The following CSMD1 variants were observed in gnomAD, a reference collection of about 807,000 sequenced individuals.
CSMD1 encodes CUB and sushi domain-containing protein 1.
Under a neutral mutation model 417.5 loss-of-function variants are expected in CSMD1, and 213 were observed. The ratio of observed to expected loss-of-function variants is 0.51; its 90% confidence interval spans 0.46 to 0.57. The LOEUF is 0.57. Ranked by LOEUF, CSMD1 falls within the 20% of genes least tolerant of loss-of-function variation. CSMD1 has a pLI of 0.00. For missense variants in CSMD1, 6,923 were observed against 4,529.7 expected (o/e 1.53, Z -15.17); for synonymous variants, 2,862 against 1,736.8 (o/e 1.65, Z -16.11).
chr8:3,881,009 A>C (rs570394277), intron 5 of CSMD1, among the ~76,000 whole-genome samples: 373 of 152,282 alleles, frequency 2.4e-3, no homozygotes, highest in African/African-American at 8.7e-3. Flanking sequence ...AAATTTTAAA[A>C]AGAAATCATT....
intron 7 of CSMD1, among the ~76,000 whole-genome samples, chr8:3,654,568 G>A (rs1057201579): frequency 6.6e-6 from 1 of 152,168 alleles, no homozygotes. Context: ...GAGTTTAGGA[G>A]AAGAAAAAAT....
intron 1 of CSMD1, among the ~76,000 whole-genome samples, chr8:4,665,695 T>A (rs1804877737): frequency 6.6e-6 from 1 of 152,218 alleles, no homozygotes; most frequent in African/African-American, 2.4e-5. Flanking sequence ...GGATCCATAA[T>A]CTATTCCTCT....
chr8:4,316,973 A>G (rs1217209172), intron 3 of CSMD1, among the ~76,000 whole-genome samples: 4 of 152,190 alleles, frequency 2.6e-5, no homozygotes, highest in African/African-American at 9.7e-5. Flanking sequence ...ACTCAAGAGT[A>G]AATACAATCG....
chr8:4,251,324 A>T (rs1054804895), intron 3 of CSMD1, among the ~76,000 whole-genome samples: 1 of 152,186 alleles, frequency 6.6e-6, no homozygotes, highest in African/African-American at 2.4e-5. Context: ...TAGTATTTGC[A>T]TTATGCCACA....
chr8:4,200,043 C>T (rs930528562), intron 3 of CSMD1, among the ~76,000 whole-genome samples: 39 of 152,252 alleles, frequency 2.6e-4, no homozygotes, highest in African/African-American at 9.1e-4. Context: ...GCCATAAAAT[C>T]CTGAATGATT....
At chr8:4,964,255 T>C (rs1484600532) in intron 1 of CSMD1, among the ~76,000 whole-genome samples, 1 of 152,012 alleles carries the variant, frequency 6.6e-6, no homozygotes, top group Non-Finnish European at 1.5e-5. Context: ...GGCTAACACC[T>C]GTAATCCCAG....
At chr8:4,000,832 GAAGAA>G (rs1296049541) in intron 4 of CSMD1, among the ~76,000 whole-genome samples, 15 of 152,078 alleles carry the variant, frequency 9.9e-5, no homozygotes, top group African/African-American at 3.6e-4. Context: ...CACAGATGCA[GAAGAA>G]AAGAGTTCTA....
chr8:4,845,278 T>C (rs1275702731), intron 1 of CSMD1, among the ~76,000 whole-genome samples: 1 of 152,180 alleles, frequency 6.6e-6, no homozygotes, highest in Non-Finnish European at 1.5e-5. Context: ...TCAACATTTT[T>C]CGATTTAGAA....
chr8:4,973,205 C>T (rs1044562160), intron 1 of CSMD1, among the ~76,000 whole-genome samples: 5 of 151,958 alleles, frequency 3.3e-5, no homozygotes, highest in Non-Finnish European at 7.4e-5. Context: ...CTTTTTGGTT[C>T]CTCTCATCAT....
At chr8:3,285,915 G>T (rs1803118291) in intron 25 of CSMD1, among the ~76,000 whole-genome samples, 1 of 152,104 alleles carries the variant, frequency 6.6e-6, no homozygotes, top group Middle Eastern at 3.4e-3. Flanking sequence ...CATGTGCCAT[G>T]TTGGTCTGCT....
At chr8:4,491,849 T>A (rs140927382) in intron 2 of CSMD1, among the ~76,000 whole-genome samples, 1 of 152,152 alleles carries the variant, frequency 6.6e-6, no homozygotes, top group African/African-American at 2.4e-5. Context: ...TACTGTACGA[T>A]CCAGCAACTG....
chr8:3,175,501 C>CTGCA (rs1820870033), intron 37 of CSMD1, among the ~76,000 whole-genome samples: 1 of 118,190 alleles, frequency 8.5e-6, no homozygotes, highest in African/African-American at 3.3e-5. Context: ...GCCTGCCTGC[C>CTGCA]TGCCTGCCTT....
At chr8:3,727,104 C>A (rs1029721596) in intron 6 of CSMD1, among the ~76,000 whole-genome samples, 1 of 152,166 alleles carries the variant, frequency 6.6e-6, no homozygotes, top group Non-Finnish European at 1.5e-5. Flanking sequence ...CAACTTACTA[C>A]TATCCCATAA....
intron 10 of CSMD1, among the ~76,000 whole-genome samples, chr8:3,520,909 G>A (rs1397078984): frequency 2.0e-5 from 3 of 152,000 alleles, no homozygotes; most frequent in Non-Finnish European, 2.9e-5. Flanking sequence ...CCTGGTCACT[G>A]AGCTTCAACA....
chr8:4,387,939 G>T (rs533033256), intron 3 of CSMD1, among the ~76,000 whole-genome samples: 6 of 152,074 alleles, frequency 3.9e-5, no homozygotes, highest in Admixed American at 3.9e-4. Flanking sequence ...TAACAACAAA[G>T]GATTTCATGT....
Position 3,199,798 on chromosome 8 carries a change from G to T in CSMD1, c.5110C>A (p.Pro1704Thr). The T allele has an allele frequency of 6.4e-7, 1 of 1,572,108 alleles. No individual in the cohort carries two copies. The highest frequency in any genetic ancestry group is 8.6e-7 in the Non-Finnish European group (1 of 1,157,712). ...AGAATTTGATTTGACGTAGCCAAGG[G>T]CAATGTTTCCCCTAGAAACGAAAAC... is the stretch of plus-strand genomic sequence containing the variant. ...LSGSHSGETLPLATSNQILLR... is the reference protein window; with the variant it reads ...LSGSHSGETLTLATSNQILLR... The change falls in exon 33 of 70, where the codon CCC becomes ACC. Residue 1704 changes from proline (P) to threonine (T), a missense_variant. Coordinates refer to ENST00000635120, the MANE Select transcript of CSMD1 (RefSeq NM_033225.6).
At chr8:4,391,959 G>A (rs933455010) in intron 3 of CSMD1, among the ~76,000 whole-genome samples, 1 of 152,180 alleles carries the variant, frequency 6.6e-6, no homozygotes, top group Non-Finnish European at 1.5e-5. Context: ...TCCTTGAGCA[G>A]AAAGCACATT....
intron 5 of CSMD1, among the ~76,000 whole-genome samples, chr8:3,797,173 A>C (rs540315103): frequency 6.6e-6 from 1 of 152,098 alleles, no homozygotes; most frequent in East Asian, 1.9e-4. Flanking sequence ...TTCAAAGTCT[A>C]TTCAACTTGA....
intron 33 of CSMD1, among the ~76,000 whole-genome samples, chr8:3,196,586 C>A (rs760760856): frequency 6.6e-5 from 10 of 152,134 alleles, no homozygotes; most frequent in Non-Finnish European, 1.3e-4. Context: ...TTCATGCCAG[C>A]TTCTCACCAT....
Sources: gnomAD v4.1 joint callset for allele counts (sites outside exome capture counted in the v4.1 genomes callset) on GRCh38, gnomAD v4.1.1 for gene constraint, MANE v1.5 for transcripts, NCBI Gene and HGNC (gene_info 2026-07-23, HGNC 2026-07-21) for gene names.